Variants in RGPD4 observed in about 807,000 individuals in gnomAD.
The protein encoded by RGPD4 is RANBP2 like and GRIP domain containing 4.
A neutral mutation model predicts 141.1 loss-of-function variants in RGPD4; 84 were observed. The observed-to-expected ratio is 0.60, with a 90% confidence interval of 0.50 to 0.71. The LOEUF is 0.71. RGPD4 is among the 30% of genes least tolerant of loss of function. The probability of loss-of-function intolerance (pLI) is 0.00; values close to 1 mark genes in which losing one functional copy is unlikely to be tolerated. For synonymous variants in RGPD4, 298 were observed against 566.8 expected (o/e 0.53, Z 6.74); for missense variants, 918 against 1,622.4 (o/e 0.57, Z 7.46).
intron 8 of RGPD4, among the ~76,000 whole-genome samples, chr2:107,855,372 C>T (rs1474685283): frequency 7.0e-6 from 1 of 142,774 alleles, no homozygotes; most frequent in African/African-American, 2.6e-5. Flanking sequence ...TTCCATAGCC[C>T]ACTTTTTTTG....
chr2:107,829,276 C>G lies in RGPD4; in HGVS notation c.72+2191C>G, dbSNP rs1261251079. On this transcript the variant is annotated intron_variant, in intron 1 of 22. Transcript: ENST00000408999. ...CTCTGTTGAGGCGGCGGCCTTGACC[C>G]GGCCCGGCGGCGGCCTGGATGGCTC... Among the ~76,000 whole-genome samples, 267 of 33,430 alleles carry G rather than the reference C, an allele frequency of 8.0e-3. 85 individuals are homozygous for G. Among genetic ancestry groups the G allele is most frequent in the Non-Finnish European group, 0.013 (187 of 14,696 alleles). 21.9% of individuals were successfully genotyped at this position (33,430 alleles called of 152,430 possible). A position where few individuals can be genotyped will look rare whatever the true frequency, so the allele number is the denominator to read the frequency against.
chr2:107,830,433 C>A (rs1176158846), intron 1 of RGPD4, among the ~76,000 whole-genome samples: 5 of 151,442 alleles, frequency 3.3e-5, no homozygotes, highest in Admixed American at 3.3e-4. Flanking sequence ...CTGGTCTAGA[C>A]AGAAGTTAGA....
chr2:107,854,020 A>G (rs1379997651), intron 7 of RGPD4, among the ~76,000 whole-genome samples: 1 of 136,558 alleles, frequency 7.3e-6, no homozygotes, highest in African/African-American at 2.8e-5. Context: ...AAGTGCTGGG[A>G]TTACAGGTGT....
intron 1 of RGPD4, among the ~76,000 whole-genome samples, chr2:107,831,628 T>TG: frequency 8.4e-6 from 1 of 119,368 alleles, no homozygotes; most frequent in Non-Finnish European, 1.7e-5. Context: ...CAGGCTGGAG[T>TG]GTAGTGGCGC....
intron 9 of RGPD4, among the ~76,000 whole-genome samples, chr2:107,858,673 C>T (rs566736755): frequency 1.8e-3 from 276 of 149,886 alleles, no homozygotes; most frequent in African/African-American, 6.3e-3. Flanking sequence ...CTCCTGACTG[C>T]GCATAACCTT....
Position 107,854,648 on chromosome 2 carries a change from T to C in RGPD4, c.1066+5T>C. 2 of 1,168,720 alleles carry C rather than the reference T, an allele frequency of 1.7e-6. No homozygotes were observed. Among genetic ancestry groups the C allele is most frequent in the South Asian group, 2.8e-5 (2 of 70,572 alleles). 72.4% of individuals were successfully genotyped at this position (1,168,720 alleles called of 1,614,324 possible). ...GTGACCGACTGAGCCAATCAGGTAA[T>C]AGTAATATTAAACTAATTTAATTTA... is the stretch of plus-strand genomic sequence containing the variant. On this transcript the variant is annotated splice_donor_5th_base_variant and intron_variant, in intron 8 of 22. Coordinates refer to ENST00000408999, the MANE Select transcript of RGPD4 (RefSeq NM_182588.3).
At chr2:107,844,929 G>A (rs545198354) in intron 6 of RGPD4, among the ~76,000 whole-genome samples, 6 of 123,256 alleles carry the variant, frequency 4.9e-5, no homozygotes, top group South Asian at 3.0e-4. Flanking sequence ...TCTGCCTCCC[G>A]GGTTCAGGCG....
chr2:107,844,343 C>T (rs1429076105), intron 6 of RGPD4, among the ~76,000 whole-genome samples: 1 of 151,696 alleles, frequency 6.6e-6, no homozygotes, highest in African/African-American at 2.4e-5. Flanking sequence ...CAAATATGGC[C>T]CCTGCCTAAT....
intron 20 of RGPD4, among the ~76,000 whole-genome samples, chr2:107,873,574 CAAAAAAAAAAAAAAA>C (rs3053241): frequency 8.0e-6 from 1 of 125,390 alleles, no homozygotes. Context: ...ACTTTGTCTC[CAAAAAAAAAAAAAAA>C]AAAAAAAAAA....
intron 20 of RGPD4, 99 bp downstream of exon 20, chr2:107,873,027 G>T: frequency 1.1e-6 from 1 of 886,560 alleles, no homozygotes; most frequent in Non-Finnish European, 1.6e-6. Context: ...GGATATAAAC[G>T]ATGCTTTGTG....
chr2:107,827,356 G>C (rs566418561), intron 1 of RGPD4, among the ~76,000 whole-genome samples: 8 of 124,678 alleles, frequency 6.4e-5, no homozygotes, highest in African/African-American at 2.2e-4. Flanking sequence ...TGGCTCAGGC[G>C]TCATGCCTCC....
chr2:107,852,413 TTTC>T (rs1288964168), intron 7 of RGPD4, among the ~76,000 whole-genome samples: 29 of 148,096 alleles, frequency 2.0e-4, no homozygotes, highest in African/African-American at 7.0e-4. Flanking sequence ...CAACATTTTG[TTTC>T]TTATTTTGTG....
intron 1 of RGPD4, among the ~76,000 whole-genome samples, chr2:107,833,091 C>T (rs1430879006): frequency 4.0e-5 from 6 of 149,424 alleles, no homozygotes; most frequent in Non-Finnish European, 8.9e-5. Flanking sequence ...TGTATAATCG[C>T]GGCCTTCACC....
intron 21 of RGPD4, among the ~76,000 whole-genome samples, chr2:107,881,549 C>T (rs1675366318): frequency 6.6e-6 from 1 of 151,302 alleles, no homozygotes; most frequent in African/African-American, 2.5e-5. Flanking sequence ...ATCTCCTGAC[C>T]TCGTGATCTG....
chr2:107,845,454 A>T (rs1681890997), intron 6 of RGPD4, among the ~76,000 whole-genome samples: 1 of 150,290 alleles, frequency 6.7e-6, no homozygotes, highest in East Asian at 2.0e-4. Context: ...AGGGGAGATG[A>T]CCATGGGAAT....
At chr2:107,845,547 C>T (rs1033131891) in intron 6 of RGPD4, among the ~76,000 whole-genome samples, 14 of 151,784 alleles carry the variant, frequency 9.2e-5, no homozygotes, top group Non-Finnish European at 2.1e-4. Flanking sequence ...AAAGCTGGTG[C>T]CACCCTAGGC....
At chr2:107,849,381 T>A (rs376821313) in intron 7 of RGPD4, among the ~76,000 whole-genome samples, 1 of 107,530 alleles carries the variant, frequency 9.3e-6, no homozygotes, top group Admixed American at 9.6e-5. Context: ...TTTTTTTTTT[T>A]TTTGAGACGG....
At chr2:107,828,200 C>T (rs1204837631) in intron 1 of RGPD4, among the ~76,000 whole-genome samples, 1 of 20,964 alleles carries the variant, frequency 4.8e-5, no homozygotes, top group Non-Finnish European at 9.6e-5. Flanking sequence ...GTTGAGGCAG[C>T]GGCCTCGACC....
intron 6 of RGPD4, among the ~76,000 whole-genome samples, chr2:107,845,720 C>T (rs1282809432): frequency 3.5e-4 from 54 of 152,300 alleles, no homozygotes; most frequent in South Asian, 6.2e-4. Context: ...CCCACCACCA[C>T]GCTCGGCTAA....
Sources: allele counts gnomAD v4.1 joint callset (sites outside exome capture counted in the v4.1 genomes callset), GRCh38; gene constraint gnomAD v4.1.1; transcripts MANE v1.5; gene names NCBI Gene and HGNC (gene_info 2026-07-23, HGNC 2026-07-21).